The following SNTG1 variants were observed in gnomAD, a reference collection of about 807,000 sequenced individuals.
SNTG1 encodes gamma-1-syntrophin.
Under a neutral mutation model 74.7 loss-of-function variants are expected in SNTG1, and 39 were observed. The ratio of observed to expected loss-of-function variants is 0.52; its 90% CI spans 0.40 to 0.68. The LOEUF (loss-of-function observed/expected upper bound fraction) is 0.68, where lower values mean the gene tolerates loss of function less well. SNTG1 is among the 30% of genes least tolerant of loss of function. SNTG1 has a pLI of 0.00. For missense variants in SNTG1, 685 were observed against 609.5 expected (o/e 1.12, Z -1.30); for synonymous variants, 254 against 217.1 (o/e 1.17, Z -1.49).
chr8:50,563,290 A>C (rs1273024516), intron 12 of SNTG1, among the ~76,000 whole-genome samples: 1 of 152,206 alleles, frequency 6.6e-6, no homozygotes, highest in Non-Finnish European at 1.5e-5. Context: ...ATCAATCAAC[A>C]GTTGTTTGAA....
At chr8:50,198,581 T>C (rs1349124887) in intron 2 of SNTG1, among the ~76,000 whole-genome samples, 2 of 152,136 alleles carry the variant, frequency 1.3e-5, no homozygotes, top group African/African-American at 4.8e-5. Flanking sequence ...AAGTTCATAA[T>C]AGGGAAGGAG....
intron 8 of SNTG1, among the ~76,000 whole-genome samples, chr8:50,497,920 G>T (rs2093918061): frequency 6.6e-6 from 1 of 151,548 alleles, no homozygotes; most frequent in African/African-American, 2.4e-5. Context: ...TATTCACCTG[G>T]TATCATGTAC....
At chr8:50,062,803 A>T (rs576704276) in intron 1 of SNTG1, among the ~76,000 whole-genome samples, 3 of 152,334 alleles carry the variant, frequency 2.0e-5, no homozygotes, top group South Asian at 2.1e-4. Context: ...GAATTTTCCA[A>T]ATATTTTAAG....
chr8:50,621,371 C>T (rs866064989), intron 13 of SNTG1, among the ~76,000 whole-genome samples: 1 of 152,254 alleles, frequency 6.6e-6, no homozygotes. Context: ...GAAGTAACAT[C>T]ACAAGTCCTC....
At chr8:50,453,408 G>A (rs894348004) in intron 8 of SNTG1, among the ~76,000 whole-genome samples, 1 of 149,660 alleles carries the variant, frequency 6.7e-6, no homozygotes, top group Non-Finnish European at 1.5e-5. Flanking sequence ...ATTCTTGCTG[G>A]AAGATTGTTA....
chr8:49,992,355 G>C (rs368880364), intron 1 of SNTG1, among the ~76,000 whole-genome samples: 1 of 152,084 alleles, frequency 6.6e-6, no homozygotes, highest in Non-Finnish European at 1.5e-5. Flanking sequence ...GTCCACCACC[G>C]GGCACTAACT....
At chr8:50,507,059 C>A (rs1440810881) in intron 9 of SNTG1, among the ~76,000 whole-genome samples, 1 of 151,698 alleles carries the variant, frequency 6.6e-6, no homozygotes, top group Admixed American at 6.6e-5. Flanking sequence ...ATGCTTTTTT[C>A]TTCATCAACT....
chr8:50,111,571 A>C (rs2131304052), intron 1 of SNTG1, among the ~76,000 whole-genome samples: 1 of 152,270 alleles, frequency 6.6e-6, no homozygotes, highest in East Asian at 1.9e-4. Flanking sequence ...ATGAGAAAAT[A>C]AGTTTCTGTT....
At chr8:50,256,309 TA>T (rs1033720114) in intron 2 of SNTG1, among the ~76,000 whole-genome samples, 1 of 151,828 alleles carries the variant, frequency 6.6e-6, no homozygotes, top group Non-Finnish European at 1.5e-5. Context: ...AGATGAAAAA[TA>T]AAGAATAAAA....
chr8:50,548,474 G>A (rs557563438), intron 11 of SNTG1, among the ~76,000 whole-genome samples: 34 of 152,306 alleles, frequency 2.2e-4, no homozygotes, highest in African/African-American at 7.9e-4. Context: ...CAGATCTCAA[G>A]TTAGCAAAAG....
intron 2 of SNTG1, among the ~76,000 whole-genome samples, chr8:50,388,273 T>C (rs2092605248): frequency 6.6e-6 from 1 of 152,180 alleles, no homozygotes; most frequent in African/African-American, 2.4e-5. Flanking sequence ...CACTCATTAT[T>C]TGACAGAACT....
chr8:50,645,036 C>T (rs2095098954), intron 13 of SNTG1, among the ~76,000 whole-genome samples: 1 of 151,886 alleles, frequency 6.6e-6, no homozygotes, highest in Non-Finnish European at 1.5e-5. Context: ...AATTAAAGGC[C>T]TGAGCCACCC....
chr8:49,964,329 G>C (rs1356129470), intron 1 of SNTG1, among the ~76,000 whole-genome samples: 1 of 152,056 alleles, frequency 6.6e-6, no homozygotes, highest in African/African-American at 2.4e-5. Context: ...CTCTGCCCTG[G>C]GTCTGCAACT....
intron 12 of SNTG1, chr8:50,568,851 A>G (rs930365624): frequency 2.6e-5 from 4 of 152,082 alleles, no homozygotes; most frequent in Non-Finnish European, 4.4e-5. Context: ...TCTTCTATCT[A>G]TCCACATCAT....
intron 18 of SNTG1, among the ~76,000 whole-genome samples, chr8:50,774,817 G>T (rs1249865768): frequency 6.6e-6 from 1 of 151,426 alleles, no homozygotes; most frequent in African/African-American, 2.4e-5. Flanking sequence ...CCAAAGAAGT[G>T]GGGGGAACAG....
chr8:50,155,321 A>G (rs938451118), intron 1 of SNTG1, among the ~76,000 whole-genome samples: 5 of 152,216 alleles, frequency 3.3e-5, no homozygotes, highest in African/African-American at 1.2e-4. Context: ...ATTCATTAAG[A>G]AAAGGATTAT....
At chr8:50,114,196 C>T (rs1222238273) in intron 1 of SNTG1, among the ~76,000 whole-genome samples, 2 of 151,902 alleles carry the variant, frequency 1.3e-5, no homozygotes, top group Admixed American at 6.6e-5. Context: ...AAAGGTGCAA[C>T]TAAAAAGCAG....
chr8:50,133,441 T>C (rs532884016), intron 1 of SNTG1, among the ~76,000 whole-genome samples: 1 of 152,326 alleles, frequency 6.6e-6, no homozygotes, highest in East Asian at 1.9e-4. Context: ...TAGCTATCTG[T>C]ATGTCAGCTC....
At chr8:50,328,961 G>T (rs566932248) in intron 2 of SNTG1, among the ~76,000 whole-genome samples, 1 of 152,300 alleles carries the variant, frequency 6.6e-6, no homozygotes, top group African/African-American at 2.4e-5. Flanking sequence ...GTGGGTGTAA[G>T]CATTGGATAA....
Sources: gnomAD v4.1 joint callset for allele counts (sites outside exome capture counted in the v4.1 genomes callset) on GRCh38, gnomAD v4.1.1 for gene constraint, MANE v1.5 for transcripts, NCBI Gene and HGNC (gene_info 2026-07-23, HGNC 2026-07-21) for gene names.